KALRN: variants seen among roughly 807,000 people sequenced by gnomAD.
KALRN encodes kalirin RhoGEF kinase.
In KALRN, 70 loss-of-function variants were observed where a neutral mutation model predicts 353.7. That is an observed-to-expected ratio of 0.20 (90% CI 0.16 to 0.24). The LOEUF (loss-of-function observed/expected upper bound fraction) is 0.24, where lower values mean the gene tolerates loss of function less well. Among genes scored for constraint, KALRN ranks in the 10% least tolerant of loss-of-function variants. The probability of loss-of-function intolerance (pLI) is 1.00; values close to 1 mark genes in which losing one functional copy is unlikely to be tolerated. For synonymous variants in KALRN, 1,391 were observed against 1,434.8 expected (o/e 0.97, Z 0.69); for missense variants, 2,791 against 3,756.7 (o/e 0.74, Z 6.72).
chr3:124,682,143 G>A (rs916555183), intron 51 of KALRN, among the ~76,000 whole-genome samples: 10 of 152,202 alleles, frequency 6.6e-5, no homozygotes, highest in Non-Finnish European at 1.0e-4. Context: ...CACTGCAGAA[G>A]AAGAAAATGA....
intron 1 of KALRN, among the ~76,000 whole-genome samples, chr3:124,072,578 G>A (rs934605006): frequency 2.6e-5 from 4 of 152,124 alleles, no homozygotes; most frequent in African/African-American, 9.7e-5. Flanking sequence ...CCAGGAACCT[G>A]GAAATAATAG....
intron 11 of KALRN, among the ~76,000 whole-genome samples, chr3:124,390,964 C>T (rs1234450660): frequency 6.6e-6 from 1 of 152,062 alleles, no homozygotes; most frequent in East Asian, 1.9e-4. Flanking sequence ...CACTGGTTCA[C>T]TATTAGAGCT....
chr3:124,432,628 A>C (rs546654549), intron 16 of KALRN, among the ~76,000 whole-genome samples: 1 of 152,344 alleles, frequency 6.6e-6, no homozygotes, highest in African/African-American at 2.4e-5. Flanking sequence ...CAAGTGTCAT[A>C]ACACACTTAA....
intron 33 of KALRN, among the ~76,000 whole-genome samples, chr3:124,537,239 A>G (rs1446513419): frequency 1.3e-5 from 2 of 152,002 alleles, no homozygotes; most frequent in South Asian, 2.1e-4. Context: ...ATGGGGTTTC[A>G]CCATGTTGGC....
intron 8 of KALRN, 49 bp downstream of exon 8, chr3:124,330,041 G>A (rs567002073): frequency 6.3e-7 from 1 of 1,599,604 alleles, no homozygotes; most frequent in Admixed American, 1.7e-5. Flanking sequence ...TCTGCATGTG[G>A]GTGGGTGATG....
intron 3 of KALRN, among the ~76,000 whole-genome samples, chr3:124,241,725 T>A (rs768425444): frequency 2.2e-4 from 34 of 152,042 alleles, no homozygotes; most frequent in Admixed American, 3.9e-4. Context: ...GCACCCTGAG[T>A]TAAGTGATGA....
chr3:124,496,396 A>G lies in KALRN; in HGVS notation c.4918A>G (p.Thr1640Ala). Residue 1640 changes from threonine (T) to alanine (A), a missense_variant, in exon 33 of 60, where the codon ACA becomes GCA. Physicochemically the swap from Thr to Ala is moderately conservative, Grantham distance 58. Coordinates refer to ENST00000682506, the MANE Select transcript of KALRN (RefSeq NM_001388419.1). ...CATTGCTTCTAGGACCTCTCAGAAC[A>G]CAGTGGACAGTGACAAGGTAGGACA... Reference protein sequence around the residue: ...ISIASRTSQNTVDSDKLSGGC... With the variant: ...ISIASRTSQNAVDSDKLSGGC... 6.2e-7 allele frequency: 1 copy of G among 1,613,150 alleles called. No homozygotes were observed. The highest frequency in any genetic ancestry group is 8.5e-7 in the Non-Finnish European group (1 of 1,179,334).
intron 15 of KALRN, among the ~76,000 whole-genome samples, chr3:124,423,192 A>G (rs933240761): frequency 6.6e-6 from 1 of 152,234 alleles, no homozygotes; most frequent in African/African-American, 2.4e-5. Flanking sequence ...GGCTCAAACA[A>G]CAAATGCATG....
At position 124,334,790 on chromosome 3, in the gene KALRN, CT is replaced by C. The variant is rs1056343119; in HGVS notation, c.1647+299del. On this transcript the variant is annotated intron_variant, in intron 9 of 59. Transcript: ENST00000682506. The surrounding 1 kb of genome is among the most constrained non-coding windows in gnomAD (Gnocchi z 4.2). ...CCTCGTAGTCATGTGGCACATTTTT[CT>C]TTTGTTTTGTTTTGTTTTTTGGAAA... Among the ~76,000 whole-genome samples the C allele has an allele frequency of 9.9e-5, 15 of 152,114 alleles. No homozygotes were observed. The highest frequency in any genetic ancestry group is 3.6e-4 in the African/African-American group (15 of 41,440).
At chr3:124,579,667 C>A (rs1456834012) in intron 34 of KALRN, among the ~76,000 whole-genome samples, 4 of 152,164 alleles carry the variant, frequency 2.6e-5, no homozygotes, top group Non-Finnish European at 5.9e-5. Context: ...TCTCTCTCAT[C>A]TTTTCCCTGT....
chr3:124,181,986 C>A (rs187761169), intron 1 of KALRN, among the ~76,000 whole-genome samples: 2 of 152,086 alleles, frequency 1.3e-5, no homozygotes, highest in Admixed American at 1.3e-4. Context: ...CCCTGGCGTG[C>A]CTTTATAGTG....
At chr3:124,311,641 T>C (rs970014925) in intron 6 of KALRN, among the ~76,000 whole-genome samples, 3 of 152,312 alleles carry the variant, frequency 2.0e-5, no homozygotes, top group Admixed American at 6.5e-5. Flanking sequence ...CTTAGGTATA[T>C]ACTCAAGAGA....
At chr3:124,691,800 C>T (rs943768454) in intron 51 of KALRN, among the ~76,000 whole-genome samples, 1 of 152,200 alleles carries the variant, frequency 6.6e-6, no homozygotes, top group Non-Finnish European at 1.5e-5. Flanking sequence ...TTTAGTGCCC[C>T]CCTACAGGTG....
chr3:124,097,139 A>G (rs916994267), intron 1 of KALRN, among the ~76,000 whole-genome samples: 5 of 152,234 alleles, frequency 3.3e-5, no homozygotes, highest in Admixed American at 3.3e-4. Context: ...CCACATCCAT[A>G]TTCAAAAAGA....
At chr3:124,178,324 G>C (rs1271648647) in intron 1 of KALRN, among the ~76,000 whole-genome samples, 4 of 152,086 alleles carry the variant, frequency 2.6e-5, no homozygotes, top group Non-Finnish European at 4.4e-5. Context: ...GCCACCATAA[G>C]AGATTAACAA....
chr3:124,619,126 CTT>C, intron 34 of KALRN, among the ~76,000 whole-genome samples: 1 of 146,782 alleles, frequency 6.8e-6, no homozygotes. Flanking sequence ...GTATATTTGA[CTT>C]TTTTTTTTTT....
At chr3:124,224,015 T>C (rs1412001068) in intron 1 of KALRN, among the ~76,000 whole-genome samples, 4 of 152,188 alleles carry the variant, frequency 2.6e-5, no homozygotes, top group Non-Finnish European at 5.9e-5. Context: ...AACAGCAGGC[T>C]TGTAATTCTG....
intron 1 of KALRN, among the ~76,000 whole-genome samples, chr3:124,212,885 G>C (rs751321684): frequency 6.6e-6 from 1 of 151,814 alleles, no homozygotes; most frequent in Non-Finnish European, 1.5e-5. Flanking sequence ...TTTTTCTTAT[G>C]TTTATTATCC....
At chr3:124,188,823 A>C (rs920262449) in intron 1 of KALRN, among the ~76,000 whole-genome samples, 2 of 152,218 alleles carry the variant, frequency 1.3e-5, no homozygotes, top group Non-Finnish European at 2.9e-5. Context: ...AGCAGGCAGC[A>C]TGAACTTTAG....
Sources: allele counts gnomAD v4.1 joint callset (sites outside exome capture counted in the v4.1 genomes callset), GRCh38; gene constraint gnomAD v4.1.1; non-coding constraint Gnocchi (gnomAD v3.1); transcripts MANE v1.5; gene names NCBI Gene and HGNC (gene_info 2026-07-23, HGNC 2026-07-21).